Variants in RGS7 observed in about 807,000 individuals in gnomAD.
The protein encoded by RGS7 is regulator of G protein signaling 7, also known as regulator of G-protein signaling 7.
In RGS7, 27 loss-of-function variants were observed where a neutral mutation model predicts 81.1. The ratio of observed to expected loss-of-function variants is 0.33; its 90% confidence interval spans 0.25 to 0.46. RGS7 has a LOEUF of 0.46. Ranked by LOEUF, RGS7 falls within the 20% of genes least tolerant of loss-of-function variation. RGS7 has a pLI of 1.00. For synonymous variants in RGS7, 208 were observed against 207.7 expected (o/e 1.00, Z -0.01); for missense variants, 396 against 607.4 (o/e 0.65, Z 3.66).
intron 6 of RGS7, among the ~76,000 whole-genome samples, chr1:240,887,708 A>C (rs1264190715): frequency 6.6e-6 from 1 of 152,198 alleles, no homozygotes; most frequent in Non-Finnish European, 1.5e-5. Context: ...TGATTTTTAA[A>C]TATTTTTTTA....
intron 2 of RGS7, among the ~76,000 whole-genome samples, chr1:241,322,917 A>T (rs1336783363): frequency 6.6e-6 from 1 of 152,236 alleles, no homozygotes; most frequent in Non-Finnish European, 1.5e-5. Flanking sequence ...TATTGCTCAG[A>T]CTTTGAATTT....
chr1:240,997,609 G>C (rs145251916), intron 3 of RGS7, among the ~76,000 whole-genome samples: 17 of 152,286 alleles, frequency 1.1e-4, no homozygotes, highest in Admixed American at 9.2e-4. Flanking sequence ...CAGATCATTT[G>C]AGGTCAGGAG....
At position 241,219,062 on chromosome 1, in the gene RGS7, G is replaced by A. The variant is rs148723409; in HGVS notation, c.79-120300C>T. Among the ~76,000 whole-genome samples the A allele has an allele frequency of 7.9e-5, 12 of 152,234 alleles. No homozygotes were observed. In the East Asian group the frequency reaches 2.3e-3, roughly 30 times the overall value. ...GTTCACCCACTGTCAGGAGCTACAA[G>A]GCTCACATCCAGCTGGTGTGAGGGC... is the stretch of plus-strand genomic sequence containing the variant. On this transcript the variant is annotated intron_variant, in intron 2 of 18. Transcript: ENST00000440928.
chr1:241,254,413 C>T (rs575724822), intron 2 of RGS7, among the ~76,000 whole-genome samples: 25 of 152,200 alleles, frequency 1.6e-4, no homozygotes, highest in African/African-American at 5.1e-4. Flanking sequence ...TTATTTTTCA[C>T]GGTTCTGGAG....
At chr1:240,776,283 T>G (rs1466361987) in intron 18 of RGS7, 70 bp from the exon 19 acceptor site, 5 of 1,111,276 alleles carry the variant, frequency 4.5e-6, no homozygotes, top group Non-Finnish European at 6.9e-6. Context: ...TGCTTAGTAG[T>G]AGCAACTATT....
chr1:241,235,986 T>A (rs2075953553), intron 2 of RGS7, among the ~76,000 whole-genome samples: 1 of 147,288 alleles, frequency 6.8e-6, no homozygotes. Context: ...TCTCTGGCTT[T>A]CCTGGCTTCC....
chr1:240,971,424 C>T (rs187738755), intron 4 of RGS7, among the ~76,000 whole-genome samples: 30 of 152,242 alleles, frequency 2.0e-4, no homozygotes, highest in Admixed American at 9.8e-4. Flanking sequence ...GCTCCTAATA[C>T]GCTGAAATGA....
At position 241,168,862 on chromosome 1, in the gene RGS7, G is replaced by A. The variant is rs946219285; in HGVS notation, c.79-70100C>T. ...AGGCAGCAATTACTCTCTCTCCATT[G>A]CTGGTTTGGAGGAAGCAGGCCACCA... is the stretch of plus-strand genomic sequence containing the variant. On this transcript the variant is annotated intron_variant, in intron 2 of 18. Transcript: ENST00000440928. 2.3e-4 allele frequency among the ~76,000 whole-genome samples: 35 copies of A among 152,118 alleles called. 1 individual carries two copies. The highest frequency in any genetic ancestry group is 8.5e-4 in the African/African-American group (35 of 41,414).
At chr1:241,036,696 G>A (rs549803357) in intron 3 of RGS7, among the ~76,000 whole-genome samples, 4 of 152,316 alleles carry the variant, frequency 2.6e-5, no homozygotes, top group South Asian at 4.1e-4. Flanking sequence ...AGGATTAGAT[G>A]GTTTGCCTAA....
At chr1:241,251,381 A>G (rs897848670) in intron 2 of RGS7, among the ~76,000 whole-genome samples, 2 of 152,212 alleles carry the variant, frequency 1.3e-5, no homozygotes, top group African/African-American at 4.8e-5. Context: ...CTGTAGAGAA[A>G]ATATGATTGT....
At chr1:241,352,761 T>C (rs1011602634) in intron 2 of RGS7, among the ~76,000 whole-genome samples, 3 of 152,258 alleles carry the variant, frequency 2.0e-5, no homozygotes, top group African/African-American at 7.2e-5. Flanking sequence ...CCTGGAATCT[T>C]TCTGTGATTT....
chr1:240,889,085 C>T lies in RGS7; in HGVS notation c.386-18966G>A, dbSNP rs563044553. ...ATTCTCCTTGCCTCAGCGTCCCAAG[C>T]AGCTGGGACTACAGGCGCCCGCCAC... is the stretch of plus-strand genomic sequence containing the variant. On this transcript the variant is annotated intron_variant, in intron 6 of 18. Coordinates refer to ENST00000440928, the MANE Select transcript of RGS7 (RefSeq NM_001364886.1). Among the ~76,000 whole-genome samples, 49 of 152,138 alleles carry T rather than the reference C, an allele frequency of 3.2e-4. 1 individual carries two copies. Among genetic ancestry groups the T allele is most frequent in the African/African-American group, 1.2e-3 (48 of 41,520 alleles).
intron 3 of RGS7, among the ~76,000 whole-genome samples, chr1:241,074,632 C>T (rs997021969): frequency 2.0e-5 from 3 of 152,196 alleles, no homozygotes; most frequent in Admixed American, 6.5e-5. Flanking sequence ...CTTTCCCCAA[C>T]AGTTCTAGCG....
At chr1:241,351,747 AGG>A (rs1251869578) in intron 2 of RGS7, among the ~76,000 whole-genome samples, 40 of 152,284 alleles carry the variant, frequency 2.6e-4, no homozygotes, top group African/African-American at 8.9e-4. Context: ...GGTGAGGGGA[AGG>A]GGGAGAGGGG....
chr1:241,053,578 T>C (rs1490291780), intron 3 of RGS7, among the ~76,000 whole-genome samples: 1 of 152,230 alleles, frequency 6.6e-6, no homozygotes, highest in African/African-American at 2.4e-5. Flanking sequence ...ATGATTCTAC[T>C]TTCATAGATC....
At chr1:240,780,810 A>T (rs957123637) in intron 18 of RGS7, among the ~76,000 whole-genome samples, 2 of 150,722 alleles carry the variant, frequency 1.3e-5, no homozygotes, top group African/African-American at 4.9e-5. Context: ...GCTACTAAGG[A>T]GGCCGAGGCA....
intron 2 of RGS7, among the ~76,000 whole-genome samples, chr1:241,338,787 T>C (rs1014717969): frequency 6.6e-6 from 1 of 151,446 alleles, no homozygotes; most frequent in Admixed American, 6.6e-5. Flanking sequence ...TGTAAATCTG[T>C]TTACCCTTCA....
chr1:241,230,362 T>A (rs374980471), intron 2 of RGS7, among the ~76,000 whole-genome samples: 1 of 152,040 alleles, frequency 6.6e-6, no homozygotes, highest in Non-Finnish European at 1.5e-5. Flanking sequence ...TACAGGTGTG[T>A]GCCACCACGC....
chr1:240,792,085 G>A (rs1686107626), intron 18 of RGS7, among the ~76,000 whole-genome samples: 1 of 152,062 alleles, frequency 6.6e-6, no homozygotes. Flanking sequence ...AGATCATTTT[G>A]AATAATAATT....
Sources: allele counts gnomAD v4.1 joint callset (sites outside exome capture counted in the v4.1 genomes callset), GRCh38; gene constraint gnomAD v4.1.1; transcripts MANE v1.5; gene names NCBI Gene and HGNC (gene_info 2026-07-23, HGNC 2026-07-21).